Variants in SHTN1 observed in about 807,000 individuals in gnomAD.
SHTN1 encodes the protein shootin 1.
SHTN1 carries 42 observed loss-of-function variants against 83.1 expected under a neutral mutation model. That is an observed-to-expected ratio of 0.51 (90% confidence interval 0.39 to 0.65). SHTN1 has a LOEUF of 0.65. SHTN1 is among the 30% of genes least tolerant of loss of function. SHTN1 has a pLI of 0.00. For synonymous variants in SHTN1, 224 were observed against 247.7 expected, an observed-to-expected ratio of 0.90 and a Z score of 0.90; for missense variants, 622 against 737.8, an observed-to-expected ratio of 0.84 and a Z score of 1.82.
chr10:117,022,085 C>G (rs74887745), intron 2 of SHTN1, among the ~76,000 whole-genome samples: 3,014 of 152,206 alleles, frequency 0.02, 97 homozygotes, highest in African/African-American at 0.069. Context: ...AGTTTCCAAC[C>G]TATTGGCCTG....
chr10:116,905,181 C>T (rs1481982863), intron 15 of SHTN1, among the ~76,000 whole-genome samples: 1 of 148,042 alleles, frequency 6.8e-6, no homozygotes, highest in East Asian at 2.0e-4. Flanking sequence ...CGCAGTCCAG[C>T]CTGGGCGACA....
rs537981576 is a variant in SHTN1 at position 116,969,222 on chromosome 10, C to G, written c.112-510G>C. 2.0e-3 allele frequency among the ~76,000 whole-genome samples: 304 copies of G among 152,218 alleles called. 2 individuals are homozygous for G. The highest frequency in any genetic ancestry group is 6.5e-3 in the African/African-American group (272 of 41,536). On this transcript the variant is annotated intron_variant, in intron 2 of 16. Coordinates refer to ENST00000355371, the MANE Select transcript of SHTN1 (RefSeq NM_001127211.3). ...CAGGCAGATCACGAGGTCAGGAGTA[C>G]AAGACCAGCCTTGCCAGAGACCAGC...
chr10:117,069,381 C>T (rs554374883), intron 1 of SHTN1, among the ~76,000 whole-genome samples: 2 of 152,066 alleles, frequency 1.3e-5, no homozygotes, highest in South Asian at 4.1e-4. Context: ...AGATCACTCT[C>T]AAGTGGCCTG....
intron 1 of SHTN1, among the ~76,000 whole-genome samples, chr10:117,064,826 C>T (rs1268335614): frequency 2.0e-5 from 3 of 152,082 alleles, no homozygotes; most frequent in South Asian, 2.1e-4. Context: ...GGGATAATTC[C>T]GTTAGCCTCA....
intron 11 of SHTN1, among the ~76,000 whole-genome samples, chr10:116,925,238 TC>T (rs1267001894): frequency 6.6e-6 from 1 of 152,190 alleles, no homozygotes; most frequent in East Asian, 1.9e-4. Context: ...CAGATGGTCC[TC>T]CCTGAGGTGG....
At chr10:117,061,149 T>G (rs1464959626) in intron 1 of SHTN1, among the ~76,000 whole-genome samples, 21 of 150,490 alleles carry the variant, frequency 1.4e-4, no homozygotes, top group Admixed American at 7.3e-4. Context: ...TTTTTTTTTT[T>G]TCTTTTTTTT....
intron 1 of SHTN1, among the ~76,000 whole-genome samples, chr10:117,089,244 G>A (rs918915000): frequency 2.6e-5 from 4 of 152,036 alleles, no homozygotes; most frequent in African/African-American, 9.7e-5. Context: ...TTGTTTATGT[G>A]GTGTGTACAT....
upstream of SHTN1, chr10:117,005,720 G>T: frequency 3.0e-6 from 1 of 328,942 alleles, no homozygotes; most frequent in Non-Finnish European, 4.4e-6. Flanking sequence ...GAATCAGGCC[G>T]CCCAGCTACT....
At chr10:117,017,021 G>A (rs909581396) in intron 2 of SHTN1, among the ~76,000 whole-genome samples, 1 of 152,072 alleles carries the variant, frequency 6.6e-6, no homozygotes, top group African/African-American at 2.4e-5. Flanking sequence ...AAGAATCAGG[G>A]CTCTTTTGAG....
chr10:116,990,287 C>CTTTTTTTTTTTTTTTTT (rs11399364), intron 1 of SHTN1, among the ~76,000 whole-genome samples: 6 of 119,918 alleles, frequency 5.0e-5, no homozygotes, highest in Admixed American at 1.9e-4. Context: ...TTTTTTCTTT[C>CTTTTTTTTTTTTTTTTT]TTTTTTTTTT....
chr10:116,936,874 A>G (rs903050837), intron 9 of SHTN1, among the ~76,000 whole-genome samples: 5 of 152,318 alleles, frequency 3.3e-5, no homozygotes, highest in Middle Eastern at 3.4e-3. Flanking sequence ...TATTTAGGAT[A>G]GTTAGCTCTT....
At chr10:117,019,891 A>G (rs1482318394) in intron 2 of SHTN1, among the ~76,000 whole-genome samples, 2 of 152,110 alleles carry the variant, frequency 1.3e-5, no homozygotes, top group Admixed American at 6.6e-5. Context: ...AGAAGACACA[A>G]GTATTTAAAG....
At chr10:116,964,250 T>C (rs1850312003) in intron 3 of SHTN1, among the ~76,000 whole-genome samples, 1 of 152,206 alleles carries the variant, frequency 6.6e-6, no homozygotes, top group African/African-American at 2.4e-5. Context: ...ACTCTTTACA[T>C]GTGTTCCCTC....
chr10:116,982,609 G>C (rs1156378624), intron 1 of SHTN1, among the ~76,000 whole-genome samples: 4 of 152,190 alleles, frequency 2.6e-5, no homozygotes, highest in African/African-American at 9.6e-5. Flanking sequence ...AGCTTGCACA[G>C]CTCAAGTGAT....
chr10:117,020,756 A>C (rs1181084714), intron 2 of SHTN1, among the ~76,000 whole-genome samples: 2 of 152,152 alleles, frequency 1.3e-5, no homozygotes, highest in Non-Finnish European at 2.9e-5. Context: ...TGAGGGAAGC[A>C]AAAGTTTCTT....
intron 3 of SHTN1, among the ~76,000 whole-genome samples, chr10:116,965,571 C>A (rs2133451559): frequency 6.6e-6 from 1 of 152,322 alleles, no homozygotes; most frequent in East Asian, 1.9e-4. Context: ...GATTTCAACT[C>A]AGCACCAAAA....
chr10:116,890,531 T>C (rs1847307507), intron 16 of SHTN1, among the ~76,000 whole-genome samples: 1 of 152,232 alleles, frequency 6.6e-6, no homozygotes, highest in African/African-American at 2.4e-5. Context: ...TATGATCCAT[T>C]CATATAGATA....
chr10:116,960,552 T>C (rs1383755881), intron 3 of SHTN1, among the ~76,000 whole-genome samples: 1 of 152,210 alleles, frequency 6.6e-6, no homozygotes, highest in Non-Finnish European at 1.5e-5. Flanking sequence ...TATGTGCTAG[T>C]TTAAACAAAA....
chr10:116,899,222 A>G (rs1374886778), intron 16 of SHTN1, among the ~76,000 whole-genome samples: 3 of 152,206 alleles, frequency 2.0e-5, no homozygotes, highest in African/African-American at 7.2e-5. Flanking sequence ...TATAATAAAT[A>G]AAGTATATAG....
Sources: allele counts gnomAD v4.1 joint callset (sites outside exome capture counted in the v4.1 genomes callset), GRCh38; gene constraint gnomAD v4.1.1; transcripts MANE v1.5; gene names NCBI Gene and HGNC (gene_info 2026-07-23, HGNC 2026-07-21).